Variants in RREB1 observed in about 807,000 individuals in gnomAD.
The protein encoded by RREB1 is ras responsive element binding protein 1.
A neutral mutation model predicts 117.8 loss-of-function variants in RREB1; 27 were observed. The ratio of observed to expected loss-of-function variants is 0.23; its 90% confidence interval spans 0.17 to 0.32. The LOEUF (loss-of-function observed/expected upper bound fraction) is 0.32, where lower values mean the gene tolerates loss of function less well. RREB1 is among the 10% of genes least tolerant of loss of function. The pLI, the probability that RREB1 is intolerant of heterozygous loss-of-function variation, is 1.00. For missense variants in RREB1, 2,577 were observed against 2,378.2 expected, an observed-to-expected ratio of 1.08 and a Z score of -1.74; for synonymous variants, 1,298 against 1,026.7, an observed-to-expected ratio of 1.26 and a Z score of -5.05.
Position 7,249,072 on chromosome 6 carries a change from A to T in RREB1, c.*104A>T, listed in dbSNP as rs1769288828. On this transcript the variant is annotated 3_prime_UTR_variant, in exon 13 of 13. Coordinates refer to ENST00000379938, the MANE Select transcript of RREB1 (RefSeq NM_001003699.4). ...TTGGCTGTTGAGGAGTGAGAGAGAG[A>T]GAGAGAGAGAGAGAGAGAGAGAGAG... is the stretch of plus-strand genomic sequence containing the variant. The T allele has an allele frequency of 1.3e-5, 5 of 387,290 alleles. No homozygotes were observed. Among genetic ancestry groups the T allele is most frequent in the Admixed American group, 4.8e-5 (1 of 21,024 alleles). 24.0% of individuals were successfully genotyped at this position (387,290 alleles called of 1,614,324 possible).
chr6:7,228,277 G>A (rs1311451184), intron 9 of RREB1, among the ~76,000 whole-genome samples: 1 of 151,958 alleles, frequency 6.6e-6, no homozygotes, highest in East Asian at 1.9e-4. Flanking sequence ...GGGTAGGGTA[G>A]CTGATTCTCC....
At chr6:7,223,769 A>G (rs1178499046) in intron 8 of RREB1, among the ~76,000 whole-genome samples, 1 of 152,200 alleles carries the variant, frequency 6.6e-6, no homozygotes, top group East Asian at 1.9e-4. Flanking sequence ...TGTGGAGCAC[A>G]TACGAAAACT....
Position 7,231,186 on chromosome 6 carries a change from CGTG to C in RREB1, c.3089_3091del (p.Val1030del). On this transcript the variant is annotated inframe_deletion, in exon 10 of 13. Coordinates refer to ENST00000379938, the MANE Select transcript of RREB1 (RefSeq NM_001003699.4). Reference sequence around the variant, plus strand: ...CAGCCCTGGTCAGCAGCCCTCCACTCGTGGGCAGCTCAGCCCTCCTGAGTGGCA... The same window carrying C: ...CAGCCCTGGTCAGCAGCCCTCCACTCGGCAGCTCAGCCCTCCTGAGTGGCA... The C allele has an allele frequency of 6.2e-7, 1 of 1,611,552 alleles. No individual in the cohort carries two copies. The highest frequency in any genetic ancestry group is 8.5e-7 in the Non-Finnish European group (1 of 1,179,204).
intron 6 of RREB1, among the ~76,000 whole-genome samples, chr6:7,190,709 C>A (rs947344578): frequency 6.6e-6 from 1 of 151,584 alleles, no homozygotes; most frequent in African/African-American, 2.4e-5. Flanking sequence ...TATTTTTTTA[C>A]CACCATGTTG....
intron 6 of RREB1, among the ~76,000 whole-genome samples, chr6:7,204,832 C>T (rs183267533): frequency 4.6e-5 from 7 of 152,308 alleles, no homozygotes; most frequent in East Asian, 1.9e-4. Context: ...AAATTACATA[C>T]GGGGAGCTTG....
intron 1 of RREB1, among the ~76,000 whole-genome samples, chr6:7,161,321 AT>A (rs1164173236): frequency 6.6e-6 from 1 of 152,148 alleles, no homozygotes; most frequent in Non-Finnish European, 1.5e-5. Flanking sequence ...TTACTTTGAG[AT>A]CCACTAACTC....
rs1209119306 is a variant in RREB1 at position 7,250,545 on chromosome 6, C to G, written c.*1577C>G. 1 of 151,906 alleles carries G rather than the reference C, an allele frequency of 6.6e-6. No homozygotes were observed. The highest frequency in any genetic ancestry group is 1.5e-5 in the Non-Finnish European group (1 of 67,966). The allele number at this position is 151,906 out of a possible 1,614,324, so 9.4% of individuals were successfully genotyped here. ...CAGCCAAGACCTCAGGGGTCCCCAGCCAGCCTGCTGCTGGGGACCCCTGTG... is the reference window on the plus strand; with the variant it reads ...CAGCCAAGACCTCAGGGGTCCCCAGGCAGCCTGCTGCTGGGGACCCCTGTG... On this transcript the variant is annotated 3_prime_UTR_variant, in exon 13 of 13. Coordinates refer to ENST00000379938, the MANE Select transcript of RREB1 (RefSeq NM_001003699.4).
chr6:7,230,419 A>T lies in RREB1; in HGVS notation c.2320A>T (p.Thr774Ser). 6 of 1,591,826 alleles carry T rather than the reference A, an allele frequency of 3.8e-6. No homozygotes were observed. Among genetic ancestry groups the T allele is most frequent in the Non-Finnish European group, 4.3e-6 (5 of 1,174,954 alleles). Reference sequence around the variant, plus strand: ...TCGTGCCCTGCGCATCCACATGCGCACGCACTGCGGCCGCGGCCTGGGCGG... The same window carrying T: ...TCGTGCCCTGCGCATCCACATGCGCTCGCACTGCGGCCGCGGCCTGGGCGG... ...HYRALRIHMR[T>S]HCGRGLGGGH... Residue 774 changes from threonine (T) to serine (S), a missense_variant, in exon 10 of 13, where the codon ACG (threonine) becomes TCG (serine). Coordinates refer to ENST00000379938, the MANE Select transcript of RREB1 (RefSeq NM_001003699.4).
intron 1 of RREB1, among the ~76,000 whole-genome samples, chr6:7,119,265 C>G (rs551158009): frequency 6.6e-6 from 1 of 151,968 alleles, no homozygotes; most frequent in South Asian, 2.1e-4. Flanking sequence ...GCAGGAGAAT[C>G]GCTTGAACCC....
intron 1 of RREB1, among the ~76,000 whole-genome samples, chr6:7,116,024 C>T (rs751889464): frequency 7.2e-5 from 11 of 152,168 alleles, no homozygotes; most frequent in Non-Finnish European, 1.6e-4. Flanking sequence ...CAAACGCCTC[C>T]CAAGTTAATT....
In RREB1 at chr6:7,245,123, C is replaced by T. The variant is rs113347924; in HGVS notation, c.3974-1301C>T. Among the ~76,000 whole-genome samples the T allele has an allele frequency of 7.0e-3, 1,069 of 152,272 alleles. 11 individuals carry two copies. Among genetic ancestry groups the T allele is most frequent in the African/African-American group, 0.021 (881 of 41,538 alleles). The stretch of plus-strand genomic sequence containing the variant: ...TAATAAATCAGACAGTGGCCGGGCA[C>T]GGTGGCTCACGCCTGTAATCCCAGC... On this transcript the variant is annotated intron_variant, in intron 11 of 12. Transcript: ENST00000379938.
At chr6:7,142,519 C>T (rs918006362) in intron 1 of RREB1, among the ~76,000 whole-genome samples, 4 of 152,250 alleles carry the variant, frequency 2.6e-5, no homozygotes, top group African/African-American at 9.6e-5. Flanking sequence ...CAGGCTGTTC[C>T]GGTGGCTAAA....
chr6:7,141,652 A>AT (rs1762598200), intron 1 of RREB1, among the ~76,000 whole-genome samples: 1 of 152,218 alleles, frequency 6.6e-6, no homozygotes, highest in African/African-American at 2.4e-5. Flanking sequence ...GTAGCAGGGT[A>AT]TTTCATGATG....
chr6:7,187,875 G>C (rs1388454127), intron 5 of RREB1, among the ~76,000 whole-genome samples: 2 of 152,020 alleles, frequency 1.3e-5, no homozygotes, highest in African/African-American at 4.8e-5. Flanking sequence ...TTCCTTTTTG[G>C]CTGGGTGCAG....
At chr6:7,144,423 G>A (rs1270866459) in intron 1 of RREB1, among the ~76,000 whole-genome samples, 1 of 152,158 alleles carries the variant, frequency 6.6e-6, no homozygotes, top group Admixed American at 6.5e-5. Flanking sequence ...TTACAATGTG[G>A]TATTGAAGAG....
At chr6:7,118,468 T>C (rs1411034899) in intron 1 of RREB1, among the ~76,000 whole-genome samples, 1 of 152,216 alleles carries the variant, frequency 6.6e-6, no homozygotes, top group Non-Finnish European at 1.5e-5. Flanking sequence ...TTTAGGAATT[T>C]TAAATGTTTT....
chr6:7,240,651 T>G, intron 11 of RREB1, 49 bp downstream of exon 11: 2 of 1,542,672 alleles, frequency 1.3e-6, no homozygotes, highest in Non-Finnish European at 1.8e-6. Context: ...GAGAGAGGAG[T>G]TCGGTTAAGA....
chr6:7,192,384 G>C (rs1765458191), intron 6 of RREB1, among the ~76,000 whole-genome samples: 1 of 151,682 alleles, frequency 6.6e-6, no homozygotes, highest in Non-Finnish European at 1.5e-5. Flanking sequence ...GTAGAGATGG[G>C]GTTTTGCTAT....
At chr6:7,193,900 C>G (rs923741259) in intron 6 of RREB1, among the ~76,000 whole-genome samples, 1 of 152,146 alleles carries the variant, frequency 6.6e-6, no homozygotes, top group Non-Finnish European at 1.5e-5. Context: ...TTGGGACGCA[C>G]AGACTGTATG....
Sources: gnomAD v4.1 joint callset for allele counts (sites outside exome capture counted in the v4.1 genomes callset) on GRCh38, gnomAD v4.1.1 for gene constraint, MANE v1.5 for transcripts, NCBI Gene and HGNC (gene_info 2026-07-23, HGNC 2026-07-21) for gene names.